The following DNAJC15 variants were observed in gnomAD, a reference collection of about 807,000 sequenced individuals.
The protein encoded by DNAJC15 is dnaJ homolog subfamily C member 15.
Under a neutral mutation model 22.4 loss-of-function variants are expected in DNAJC15, and 27 were observed. The observed-to-expected ratio is 1.20, with a 90% confidence interval of 0.89 to 1.66. The LOEUF (loss-of-function observed/expected upper bound fraction) is 1.66, where lower values mean the gene tolerates loss of function less well. Ranked by LOEUF, DNAJC15 falls within the 40% of genes most tolerant of loss-of-function variation. The pLI is 0.00. For missense variants in DNAJC15, 208 were observed against 187.1 expected, an observed-to-expected ratio of 1.11 and a Z score of -0.65; for synonymous variants, 79 against 63.2, an observed-to-expected ratio of 1.25 and a Z score of -1.19.
chr13:43,063,672 TA>T (rs1316789019), intron 1 of DNAJC15, among the ~76,000 whole-genome samples: 5 of 152,208 alleles, frequency 3.3e-5, no homozygotes. Context: ...TTTTTATTAT[TA>T]ATTTGGAGGA....
chr13:43,073,514 CTA>C (rs1248652258), intron 3 of DNAJC15, among the ~76,000 whole-genome samples: 4 of 152,108 alleles, frequency 2.6e-5, no homozygotes, highest in Admixed American at 2.6e-4. Context: ...CTCTTATGCT[CTA>C]TATGAGTAGA....
intron 5 of DNAJC15, among the ~76,000 whole-genome samples, chr13:43,105,574 A>G (rs2040792636): frequency 1.3e-5 from 2 of 152,180 alleles, no homozygotes; most frequent in African/African-American, 4.8e-5. Context: ...TTCCTCTAAC[A>G]TTGCTATCAA....
chr13:43,089,285 A>C (rs548519631), intron 5 of DNAJC15, among the ~76,000 whole-genome samples: 1 of 152,348 alleles, frequency 6.6e-6, no homozygotes, highest in East Asian at 1.9e-4. Context: ...GCTAAATCTT[A>C]AGACAACTTC....
Position 43,112,201 on chromosome 13 carries a change from C to T in DNAJC15, c.*4953C>T, listed in dbSNP as rs1321237592. 3 of 152,288 alleles carry T rather than the reference C, an allele frequency of 2.0e-5. No individual in the cohort carries two copies. In the East Asian group the frequency reaches 5.8e-4, roughly 29 times the overall value. 9.4% of individuals were successfully genotyped at this position (152,288 alleles called of 1,614,324 possible). A position where few individuals can be genotyped will look rare whatever the true frequency, so the allele number is the denominator to read the frequency against. On this transcript the variant is annotated 3_prime_UTR_variant, in exon 6 of 6. Coordinates refer to ENST00000379221, the MANE Select transcript of DNAJC15 (RefSeq NM_013238.3). The stretch of plus-strand genomic sequence containing the variant: ...AAGCTCTTTCTTTTGTATTAAAAAC[C>T]CTGCTCAATTGAAATGCAAGTTCAT...
chr13:43,052,185 G>A (rs962047170), intron 1 of DNAJC15, among the ~76,000 whole-genome samples: 2 of 151,910 alleles, frequency 1.3e-5, no homozygotes, highest in Admixed American at 1.3e-4. Flanking sequence ...GGATGGTCTC[G>A]ATCTCCTGAC....
chr13:43,048,417 G>A (rs757135953), intron 1 of DNAJC15, among the ~76,000 whole-genome samples: 2 of 152,198 alleles, frequency 1.3e-5, no homozygotes, highest in East Asian at 1.9e-4. Context: ...GTTTGAACCC[G>A]GGAGGCGGAG....
At chr13:43,072,109 T>C (rs2040612166) in intron 3 of DNAJC15, among the ~76,000 whole-genome samples, 1 of 152,218 alleles carries the variant, frequency 6.6e-6, no homozygotes, top group African/African-American at 2.4e-5. Context: ...ATTATTCTTA[T>C]TCCATTGTAG....
At chr13:43,053,319 T>C (rs2040514170) in intron 1 of DNAJC15, among the ~76,000 whole-genome samples, 1 of 152,230 alleles carries the variant, frequency 6.6e-6, no homozygotes. Context: ...TATAGTATAG[T>C]TTGAAGTCAG....
At chr13:43,098,000 A>C (rs2040749231) in intron 5 of DNAJC15, among the ~76,000 whole-genome samples, 1 of 152,226 alleles carries the variant, frequency 6.6e-6, no homozygotes, top group African/African-American at 2.4e-5. Context: ...CTTATGAATC[A>C]GGGGTAAGAA....
chr13:43,062,650 AATGGT>A (rs1461193205), intron 1 of DNAJC15, among the ~76,000 whole-genome samples: 1 of 152,228 alleles, frequency 6.6e-6, no homozygotes, highest in Non-Finnish European at 1.5e-5. Flanking sequence ...TCATCTTTTG[AATGGT>A]TGAAATAGTA....
chr13:43,111,846 C>G lies in DNAJC15; in HGVS notation c.*4598C>G, dbSNP rs1338893779. On this transcript the variant is annotated 3_prime_UTR_variant, in exon 6 of 6. Transcript: ENST00000379221. ...GGAAAAGCAACCCAAAGAGCAAATC[C>G]TATTAATGGCTGGATCAGTATCATC... The G allele has an allele frequency of 6.6e-6, 1 of 152,184 alleles. No homozygotes were observed. The highest frequency in any genetic ancestry group is 1.5e-5 in the Non-Finnish European group (1 of 68,054). The allele number at this position is 152,184 out of a possible 1,614,324, so 9.4% of individuals were successfully genotyped here.
chr13:43,029,142 C>A (rs532942618), intron 1 of DNAJC15, among the ~76,000 whole-genome samples: 3 of 152,316 alleles, frequency 2.0e-5, no homozygotes, highest in African/African-American at 7.2e-5. Flanking sequence ...ATATGTTAGC[C>A]TCTAAGGGAG....
At chr13:43,053,492 G>A (rs938496763) in intron 1 of DNAJC15, among the ~76,000 whole-genome samples, 1 of 152,106 alleles carries the variant, frequency 6.6e-6, no homozygotes, top group African/African-American at 2.4e-5. Flanking sequence ...GATTGCTTTT[G>A]GCAGTACAGT....
intron 1 of DNAJC15, among the ~76,000 whole-genome samples, chr13:43,050,984 A>AT (rs1402073580): frequency 2.6e-5 from 4 of 151,732 alleles, no homozygotes; most frequent in Admixed American, 2.0e-4. Flanking sequence ...TATTTTATTT[A>AT]TTTTTTTGAG....
At chr13:43,043,829 G>T (rs973908136) in intron 1 of DNAJC15, among the ~76,000 whole-genome samples, 1 of 152,012 alleles carries the variant, frequency 6.6e-6, no homozygotes, top group Non-Finnish European at 1.5e-5. Context: ...TAAGGGTTTC[G>T]TGGGAATTGG....
chr13:43,046,760 A>G (rs546639748), intron 1 of DNAJC15, among the ~76,000 whole-genome samples: 3 of 152,240 alleles, frequency 2.0e-5, no homozygotes, highest in African/African-American at 7.2e-5. Context: ...TTACGGTTCG[A>G]GCTGAGCTTT....
chr13:43,076,396 C>A (rs968176653), intron 3 of DNAJC15, among the ~76,000 whole-genome samples: 1 of 152,128 alleles, frequency 6.6e-6, no homozygotes, highest in Non-Finnish European at 1.5e-5. Context: ...AGATCTGACT[C>A]CCTAGAACCC....
At chr13:43,033,936 G>T (rs560886114) in intron 1 of DNAJC15, among the ~76,000 whole-genome samples, 3 of 151,614 alleles carry the variant, frequency 2.0e-5, no homozygotes, top group Admixed American at 6.6e-5. Context: ...GCTGAGGCAG[G>T]AGAATTGCTT....
intron 1 of DNAJC15, among the ~76,000 whole-genome samples, chr13:43,030,166 A>G (rs1208255215): frequency 1.3e-5 from 2 of 152,186 alleles, no homozygotes; most frequent in Non-Finnish European, 2.9e-5. Context: ...CTCCAATAAC[A>G]CAGGCAGTCT....
Sources: gnomAD v4.1 joint callset for allele counts (sites outside exome capture counted in the v4.1 genomes callset) on GRCh38, gnomAD v4.1.1 for gene constraint, MANE v1.5 for transcripts, NCBI Gene and HGNC (gene_info 2026-07-23, HGNC 2026-07-21) for gene names.